Variants in PRRG1 observed in about 807,000 individuals in gnomAD.
The protein encoded by PRRG1 is transmembrane gamma-carboxyglutamic acid protein 1.
PRRG1 carries 5 observed loss-of-function variants against 11.8 expected under a neutral mutation model. The ratio of observed to expected loss-of-function variants is 0.42; its 90% CI spans 0.22 to 0.89. PRRG1 has a LOEUF of 0.89. PRRG1 is among the 40% of genes least tolerant of loss of function. The probability of loss-of-function intolerance (pLI) is 0.28; values close to 1 mark genes in which losing one functional copy is unlikely to be tolerated. For missense variants in PRRG1, 155 were observed against 166.1 expected (o/e 0.93, Z 0.37); for synonymous variants, 66 against 60.4 (o/e 1.09, Z -0.43).
At chrX:37,430,020 C>T (rs1316646996) in intron 3 of PRRG1, among the ~76,000 whole-genome samples, 1 of 111,853 alleles carries the variant, frequency 8.9e-6, no homozygotes, top group African/African-American at 3.3e-5. Context: ...AATTACCTCC[C>T]CCAGGCCCCT....
At chrX:37,404,060 G>C (rs1602008288) in intron 1 of PRRG1, among the ~76,000 whole-genome samples, 2 of 112,085 alleles carry the variant, frequency 1.8e-5, no homozygotes, top group African/African-American at 6.5e-5. Context: ...ATGCCTGACA[G>C]CTCGTTCCTT....
chrX:37,398,851 C>T (rs1373664751), intron 1 of PRRG1, among the ~76,000 whole-genome samples: 18 of 110,518 alleles, frequency 1.6e-4, no homozygotes, highest in African/African-American at 4.0e-4. Flanking sequence ...CCTCAGGAGC[C>T]GATGCGATCA....
intron 1 of PRRG1, among the ~76,000 whole-genome samples, chrX:37,391,039 G>A (rs782059147): frequency 1.3e-4 from 14 of 111,886 alleles, no homozygotes; most frequent in South Asian, 3.8e-4. Flanking sequence ...AGAAATGGTC[G>A]TCACTAAAAA....
intron 1 of PRRG1, among the ~76,000 whole-genome samples, chrX:37,394,505 G>A (rs1216785639): frequency 8.9e-6 from 1 of 112,057 alleles, no homozygotes; most frequent in Non-Finnish European, 1.9e-5. Context: ...CAAGCACTGT[G>A]GTGGACAGTG....
At chrX:37,415,577 G>T (rs1262012902) in intron 2 of PRRG1, among the ~76,000 whole-genome samples, 1 of 111,494 alleles carries the variant, frequency 9.0e-6, no homozygotes, top group Non-Finnish European at 1.9e-5. Context: ...AATCAATTTG[G>T]CTTTTACAAT....
chrX:37,453,798 C>T lies in PRRG1; in HGVS notation c.*177C>T. The T allele has an allele frequency of 2.0e-6, 1 of 510,497 alleles. No homozygotes were observed. Among genetic ancestry groups the T allele is most frequent in the Non-Finnish European group, 2.9e-6 (1 of 340,569 alleles). 42.1% of individuals were successfully genotyped at this position (510,497 alleles called of 1,213,427 possible). A position where few individuals can be genotyped will look rare whatever the true frequency, so the allele number is the denominator to read the frequency against. ...TCTTGTTATAGAATCATTATCCATG[C>T]TCATTTTTGCTAGGGGAAATATATG... On this transcript the variant is annotated 3_prime_UTR_variant, in exon 4 of 4. Coordinates refer to ENST00000378628, the MANE Select transcript of PRRG1 (RefSeq NM_001142395.2).
rs782298645 is a variant in PRRG1, at chrX:37,382,275, AC to A, written c.-41-23928del. The stretch of plus-strand genomic sequence containing the variant: ...AATTGACACATGTGAAGAGCTGATA[AC>A]CCCCCTGTTTAATTTTACCAGTAGT... On this transcript the variant is annotated intron_variant, in intron 1 of 3. Coordinates refer to ENST00000378628, the MANE Select transcript of PRRG1 (RefSeq NM_001142395.2). Among the ~76,000 whole-genome samples, 483 of 110,892 alleles carry A rather than the reference AC, an allele frequency of 4.4e-3. 5 individuals are homozygous for A. Among genetic ancestry groups the A allele is most frequent in the African/African-American group, 0.015 (469 of 30,623 alleles).
intron 1 of PRRG1, among the ~76,000 whole-genome samples, chrX:37,365,760 A>G (rs1166439890): frequency 9.0e-6 from 1 of 111,512 alleles, no homozygotes; most frequent in African/African-American, 3.3e-5. Flanking sequence ...CTTTGATTTG[A>G]CCAGAAGCAA....
At chrX:37,377,033 C>T (rs901965138) in intron 1 of PRRG1, among the ~76,000 whole-genome samples, 1 of 110,617 alleles carries the variant, frequency 9.0e-6, no homozygotes, top group African/African-American at 3.3e-5. Context: ...AAATTTCTCG[C>T]CACTAATAAA....
At chrX:37,414,366 G>C (rs1932432417) in intron 2 of PRRG1, among the ~76,000 whole-genome samples, 1 of 112,373 alleles carries the variant, frequency 8.9e-6, no homozygotes, top group African/African-American at 3.2e-5. Context: ...GGAGAGCAGA[G>C]TATGATTCTG....
At position 37,454,361 on chromosome X, in the gene PRRG1, G is replaced by A. The variant is rs1375169628; in HGVS notation, c.*740G>A. The A allele has an allele frequency of 3.6e-5, 4 of 110,914 alleles. No homozygotes were observed. The highest frequency in any genetic ancestry group is 5.7e-5 in the Non-Finnish European group (3 of 52,927). 9.1% of individuals were successfully genotyped at this position (110,914 alleles called of 1,213,427 possible). A position where few individuals can be genotyped will look rare whatever the true frequency, so the allele number is the denominator to read the frequency against. On this transcript the variant is annotated 3_prime_UTR_variant, in exon 4 of 4. Transcript: ENST00000378628. ...TCTTAGCATCTTGAATATCTCCTGC[G>A]GTGTATATTAACATCTTGATGAGAC...
At chrX:37,351,840 G>T (rs1275024229) in intron 1 of PRRG1, among the ~76,000 whole-genome samples, 1 of 112,690 alleles carries the variant, frequency 8.9e-6, no homozygotes, top group Non-Finnish European at 1.9e-5. Context: ...TACTACAAAT[G>T]AATCAGGTTG....
intron 1 of PRRG1, among the ~76,000 whole-genome samples, chrX:37,399,238 T>C (rs1322921651): frequency 1.1e-4 from 12 of 108,833 alleles, no homozygotes; most frequent in African/African-American, 1.7e-4. Flanking sequence ...AGAGAAAGGT[T>C]GGGTTACCCA....
intron 1 of PRRG1, among the ~76,000 whole-genome samples, chrX:37,382,755 C>T (rs1931192192): frequency 9.0e-6 from 1 of 111,037 alleles, no homozygotes; most frequent in Non-Finnish European, 1.9e-5. Context: ...TTTAGTGATG[C>T]ATATGAGGAA....
chrX:37,442,252 C>G (rs1257636797), intron 3 of PRRG1: 1 of 743,395 alleles, frequency 1.3e-6, no homozygotes, highest in East Asian at 1.5e-4. Flanking sequence ...TGCGTGCCTA[C>G]AACACTCTCA....
At chrX:37,401,591 C>T (rs1373595151) in intron 1 of PRRG1, among the ~76,000 whole-genome samples, 2 of 110,532 alleles carry the variant, frequency 1.8e-5, no homozygotes, top group Admixed American at 1.9e-4. Context: ...GGGATGCCCT[C>T]TCTCACCACT....
At chrX:37,432,334 C>T (rs1556390673) in intron 3 of PRRG1, among the ~76,000 whole-genome samples, 1 of 111,515 alleles carries the variant, frequency 9.0e-6, no homozygotes, top group Non-Finnish European at 1.9e-5. Context: ...GATCCGCCCG[C>T]CTTGGCCTCC....
At chrX:37,396,667 C>T (rs1208797288) in intron 1 of PRRG1, among the ~76,000 whole-genome samples, 4 of 110,619 alleles carry the variant, frequency 3.6e-5, no homozygotes, top group African/African-American at 1.3e-4. Context: ...ATGTCTTTAT[C>T]AGCAATGTGA....
At chrX:37,421,234 T>A (rs782778386) in intron 2 of PRRG1, among the ~76,000 whole-genome samples, 13 of 112,359 alleles carry the variant, frequency 1.2e-4, no homozygotes, top group Non-Finnish European at 2.1e-4. Context: ...TGTGTAAATA[T>A]GCCTTAGGTT....
Sources: gnomAD v4.1 joint callset for allele counts (sites outside exome capture counted in the v4.1 genomes callset) on GRCh38, gnomAD v4.1.1 for gene constraint, MANE v1.5 for transcripts, NCBI Gene and HGNC (gene_info 2026-07-23, HGNC 2026-07-21) for gene names.